The following SNTG1 variants were observed in gnomAD, a reference collection of about 807,000 sequenced individuals.
The protein encoded by SNTG1 is gamma-1-syntrophin.
A neutral mutation model predicts 74.7 loss-of-function variants in SNTG1; 39 were observed. The ratio of observed to expected loss-of-function variants is 0.52; its 90% CI spans 0.40 to 0.68. The LOEUF is 0.68. Ranked by LOEUF, SNTG1 falls within the 30% of genes least tolerant of loss-of-function variation. The pLI is 0.00. For synonymous variants in SNTG1, 254 were observed against 217.1 expected, an observed-to-expected ratio of 1.17 and a Z score of -1.49; for missense variants, 685 against 609.5, an observed-to-expected ratio of 1.12 and a Z score of -1.30.
chr8:50,486,863 G>A lies in SNTG1; in HGVS notation c.364-15915G>A, dbSNP rs569581353. Among the ~76,000 whole-genome samples, 354 of 150,914 alleles carry A rather than the reference G, an allele frequency of 2.3e-3. 2 individuals carry two copies. Among genetic ancestry groups the A allele is most frequent in the African/African-American group, 6.2e-3 (258 of 41,290 alleles). ...TTATTGAGAGTTTTTAGCATGAAGC[G>A]TTGTTGAATTTTGTCAAAGGCCTTT... is the stretch of plus-strand genomic sequence containing the variant. On this transcript the variant is annotated intron_variant, in intron 8 of 18. Transcript: ENST00000642720.
Position 50,280,348 on chromosome 8 carries a change from G to A in SNTG1, c.-28+107713G>A, listed in dbSNP as rs561511273. Among the ~76,000 whole-genome samples the A allele has an allele frequency of 1.4e-4, 22 of 152,286 alleles. No individual in the cohort carries two copies. The East Asian group carries it at 4.3e-3, about 29-fold the overall frequency. ...CAGTTGAAAAAATTTCTAGATGTGGGTTGGGCTTAAAACATCTTTTGCAAT... is the reference window on the plus strand; with the variant it reads ...CAGTTGAAAAAATTTCTAGATGTGGATTGGGCTTAAAACATCTTTTGCAAT... On this transcript the variant is annotated intron_variant, in intron 2 of 18. Coordinates refer to ENST00000642720, the MANE Select transcript of SNTG1 (RefSeq NM_018967.5).
chr8:50,149,724 G>A (rs971895067), intron 1 of SNTG1, among the ~76,000 whole-genome samples: 4 of 152,112 alleles, frequency 2.6e-5, no homozygotes, highest in Admixed American at 2.0e-4. Context: ...TTATTTCTGA[G>A]GGCTCTGTTC....
chr8:50,754,149 C>A (rs1401437061), intron 18 of SNTG1, among the ~76,000 whole-genome samples: 2 of 151,946 alleles, frequency 1.3e-5, no homozygotes, highest in South Asian at 4.1e-4. Flanking sequence ...GCAAAACAAT[C>A]GTAGTGTAGA....
intron 17 of SNTG1, among the ~76,000 whole-genome samples, chr8:50,751,530 G>C (rs1024785820): frequency 6.6e-6 from 1 of 151,980 alleles, no homozygotes; most frequent in Non-Finnish European, 1.5e-5. Flanking sequence ...GCAGATGATG[G>C]CTCTATAAAA....
intron 8 of SNTG1, among the ~76,000 whole-genome samples, chr8:50,467,266 A>G (rs1355366893): frequency 1.3e-5 from 2 of 151,898 alleles, no homozygotes. Context: ...TAAATATGTG[A>G]TATAATTTAC....
intron 18 of SNTG1, among the ~76,000 whole-genome samples, chr8:50,753,578 T>C (rs998965622): frequency 3.3e-5 from 5 of 151,942 alleles, no homozygotes; most frequent in African/African-American, 1.2e-4. Flanking sequence ...AACTATGGTA[T>C]TTAGATATTA....
chr8:49,937,722 G>C (rs1808214016), intron 1 of SNTG1, among the ~76,000 whole-genome samples: 1 of 152,158 alleles, frequency 6.6e-6, no homozygotes, highest in Non-Finnish European at 1.5e-5. Context: ...GAAACCAGAG[G>C]TAAAAAGGGT....
chr8:50,375,547 T>A (rs2092361221), intron 2 of SNTG1, among the ~76,000 whole-genome samples: 1 of 152,062 alleles, frequency 6.6e-6, no homozygotes, highest in Admixed American at 6.6e-5. Context: ...CAGAGGGAAA[T>A]GTTTAGGCTG....
At chr8:50,147,181 G>T (rs1032300877) in intron 1 of SNTG1, among the ~76,000 whole-genome samples, 2 of 152,166 alleles carry the variant, frequency 1.3e-5, no homozygotes, top group Non-Finnish European at 2.9e-5. Flanking sequence ...CTACGCATTT[G>T]TCAAGAGTCA....
At chr8:50,129,604 G>A (rs1376825352) in intron 1 of SNTG1, among the ~76,000 whole-genome samples, 1 of 152,030 alleles carries the variant, frequency 6.6e-6, no homozygotes, top group Non-Finnish European at 1.5e-5. Flanking sequence ...CCGTCTTGGT[G>A]GAGAAATGGC....
chr8:50,340,367 A>G (rs920844058), intron 2 of SNTG1, among the ~76,000 whole-genome samples: 1 of 151,990 alleles, frequency 6.6e-6, no homozygotes, highest in East Asian at 1.9e-4. Flanking sequence ...TGTTAGCAAA[A>G]GAATAGACAA....
intron 4 of SNTG1, among the ~76,000 whole-genome samples, chr8:50,421,973 G>T (rs1020668422): frequency 1.3e-5 from 2 of 152,156 alleles, no homozygotes; most frequent in Non-Finnish European, 2.9e-5. Context: ...GACTCTCAAA[G>T]TGGCCTTGTT....
intron 13 of SNTG1, among the ~76,000 whole-genome samples, chr8:50,639,546 G>C (rs576569423): frequency 5.3e-5 from 8 of 151,740 alleles, no homozygotes; most frequent in Non-Finnish European, 1.2e-4. Flanking sequence ...TTTGCCTAAA[G>C]TACTAACACA....
intron 1 of SNTG1, among the ~76,000 whole-genome samples, chr8:49,935,202 AGTGT>A (rs140067006): frequency 0.098 from 13,158 of 133,786 alleles, 579 homozygotes; most frequent in South Asian, 0.17. Flanking sequence ...GCCAAGCAGA[AGTGT>A]GTGTGTGTGT....
intron 1 of SNTG1, among the ~76,000 whole-genome samples, chr8:49,947,412 C>G (rs1039970104): frequency 6.6e-6 from 1 of 152,168 alleles, no homozygotes; most frequent in Non-Finnish European, 1.5e-5. Flanking sequence ...AAGAGCTGTC[C>G]TGGTGAATAC....
chr8:50,789,835 G>A (rs971606709), intron 18 of SNTG1, among the ~76,000 whole-genome samples: 5 of 151,872 alleles, frequency 3.3e-5, no homozygotes, highest in South Asian at 2.1e-4. Context: ...TTCCCATGTC[G>A]CTCATAGTAA....
intron 15 of SNTG1, among the ~76,000 whole-genome samples, chr8:50,703,778 A>G (rs1292647298): frequency 6.6e-6 from 1 of 152,188 alleles, no homozygotes; most frequent in African/African-American, 2.4e-5. Flanking sequence ...TGACATTACA[A>G]CGGCTATGAC....
intron 11 of SNTG1, among the ~76,000 whole-genome samples, chr8:50,541,794 A>G (rs1007902018): frequency 3.3e-5 from 5 of 151,896 alleles, no homozygotes; most frequent in East Asian, 1.9e-4. Flanking sequence ...GTGTTCATCA[A>G]TCAACTTCTC....
chr8:50,570,176 C>A (rs547179377), intron 12 of SNTG1, among the ~76,000 whole-genome samples: 69 of 150,314 alleles, frequency 4.6e-4, no homozygotes, highest in African/African-American at 1.6e-3. Context: ...ATTTCCTCTC[C>A]TTCGGATATA....
Sources: allele counts gnomAD v4.1 joint callset (sites outside exome capture counted in the v4.1 genomes callset), GRCh38; gene constraint gnomAD v4.1.1; transcripts MANE v1.5; gene names NCBI Gene and HGNC (gene_info 2026-07-23, HGNC 2026-07-21).